Variants in GPRIN3 observed in about 807,000 individuals in gnomAD.
GPRIN3 encodes GPRIN family member 3.
In GPRIN3, 12 loss-of-function variants were observed where a neutral mutation model predicts 13.7. That is an observed-to-expected ratio of 0.87 (90% CI 0.56 to 1.42). The LOEUF is 1.42. GPRIN3 is among the 40% of genes most tolerant of loss of function. The pLI, the probability that GPRIN3 is intolerant of heterozygous loss-of-function variation, is 0.00. For missense variants in GPRIN3, 1,009 were observed against 958.7 expected, an observed-to-expected ratio of 1.05 and a Z score of -0.69; for synonymous variants, 377 against 372.7, an observed-to-expected ratio of 1.01 and a Z score of -0.13.
At chr4:89,256,617 C>A (rs1578079622) in intron 1 of GPRIN3, among the ~76,000 whole-genome samples, 1 of 152,228 alleles carries the variant, frequency 6.6e-6, no homozygotes. Flanking sequence ...CTGTGGGCAG[C>A]AATTACCTTA....
chr4:89,291,831 T>A (rs1415891341), intron 1 of GPRIN3, among the ~76,000 whole-genome samples: 2 of 13,344 alleles, frequency 1.5e-4, no homozygotes, highest in Non-Finnish European at 6.4e-4. Flanking sequence ...CTGTCAGGGC[T>A]TTTTTTTTTT....
At chr4:89,267,244 C>T (rs1426323155) in intron 1 of GPRIN3, among the ~76,000 whole-genome samples, 1 of 152,200 alleles carries the variant, frequency 6.6e-6, no homozygotes, top group African/African-American at 2.4e-5. Context: ...AGTTAACCAC[C>T]GCTAAGAATA....
chr4:89,256,474 A>T (rs1433119091), intron 1 of GPRIN3, among the ~76,000 whole-genome samples: 1 of 152,306 alleles, frequency 6.6e-6, no homozygotes, highest in Non-Finnish European at 1.5e-5. Context: ...GAGAGGCAGC[A>T]GGGAATCTCA....
chr4:89,256,676 A>G (rs1462957005), intron 1 of GPRIN3, among the ~76,000 whole-genome samples: 1 of 152,188 alleles, frequency 6.6e-6, no homozygotes, highest in African/African-American at 2.4e-5. Flanking sequence ...CCAGGATGTC[A>G]TCATGCCTCT....
intron 1 of GPRIN3, among the ~76,000 whole-genome samples, chr4:89,293,441 G>A (rs1413221271): frequency 6.6e-6 from 1 of 152,210 alleles, no homozygotes; most frequent in African/African-American, 2.4e-5. Context: ...AACAAGTGCA[G>A]CTCACTGACC....
intron 1 of GPRIN3, among the ~76,000 whole-genome samples, chr4:89,260,297 T>C (rs1723589164): frequency 6.6e-6 from 1 of 152,180 alleles, no homozygotes; most frequent in Non-Finnish European, 1.5e-5. Context: ...ACCTGCTCTG[T>C]GCTCCCCATT....
rs1334582178 is a variant in GPRIN3, at chr4:89,250,142, T to C, written c.-32A>G. ...TCTCTTCAGGAGCACTCCAGAGCTCTCTTGAGTACTGGTCCCACTGGTGGG... is the reference window on the plus strand; with the variant it reads ...TCTCTTCAGGAGCACTCCAGAGCTCCCTTGAGTACTGGTCCCACTGGTGGG... On this transcript the variant is annotated 5_prime_UTR_variant, in exon 2 of 2. Coordinates refer to ENST00000609438, the MANE Select transcript of GPRIN3 (RefSeq NM_198281.3). 1 of 1,582,218 alleles carries C rather than the reference T, an allele frequency of 6.3e-7. No homozygotes were observed. The highest frequency in any genetic ancestry group is 1.3e-5 in the African/African-American group (1 of 74,258).
intron 1 of GPRIN3, among the ~76,000 whole-genome samples, chr4:89,258,763 T>C (rs1164062150): frequency 2.0e-5 from 3 of 152,188 alleles, no homozygotes; most frequent in South Asian, 2.1e-4. Context: ...TTCCTTCAGC[T>C]TAAAATAGTC....
At position 89,238,892 on chromosome 4, in the gene GPRIN3, T is replaced by C. The variant is rs1055406412; in HGVS notation, c.*8888A>G. 6.6e-6 allele frequency: 1 copy of C among 152,146 alleles called. No homozygotes were observed. The highest frequency in any genetic ancestry group is 2.4e-5 in the African/African-American group (1 of 41,438). The allele number at this position is 152,146 out of a possible 1,614,324, so 9.4% of individuals were successfully genotyped here. On this transcript the variant is annotated 3_prime_UTR_variant, in exon 2 of 2. Coordinates refer to ENST00000609438, the MANE Select transcript of GPRIN3 (RefSeq NM_198281.3). ...ATTACATTTATTATGAAAAGTGAGA[T>C]GCAAAAAAATCATAATCTAAATTTT... is the stretch of plus-strand genomic sequence containing the variant.
intron 1 of GPRIN3, chr4:89,251,004 C>T (rs541997721): frequency 6.6e-6 from 1 of 152,006 alleles, no homozygotes; most frequent in South Asian, 2.1e-4. Flanking sequence ...AATTTTATGG[C>T]ATGACAAAAG....
At chr4:89,304,790 A>G (rs909721316) in intron 1 of GPRIN3, among the ~76,000 whole-genome samples, 11 of 152,166 alleles carry the variant, frequency 7.2e-5, no homozygotes. Flanking sequence ...TATTCTCATA[A>G]AAATAAGAAT....
chr4:89,265,254 A>G (rs559053880), intron 1 of GPRIN3, among the ~76,000 whole-genome samples: 2 of 152,196 alleles, frequency 1.3e-5, no homozygotes, highest in Non-Finnish European at 2.9e-5. Context: ...ATAAAGGGAT[A>G]TATATCAGTG....
chr4:89,257,792 G>A (rs1723509759), intron 1 of GPRIN3, among the ~76,000 whole-genome samples: 1 of 152,128 alleles, frequency 6.6e-6, no homozygotes, highest in South Asian at 2.1e-4. Context: ...AAGCATAGTG[G>A]TATAGGAACA....
chr4:89,261,019 CG>C (rs1324760179), intron 1 of GPRIN3, among the ~76,000 whole-genome samples: 19 of 152,214 alleles, frequency 1.2e-4, no homozygotes, highest in African/African-American at 4.6e-4. Context: ...ACACAACCCC[CG>C]CCCCCCAATG....
At chr4:89,289,387 G>C (rs1724510445) in intron 1 of GPRIN3, among the ~76,000 whole-genome samples, 1 of 151,882 alleles carries the variant, frequency 6.6e-6, no homozygotes, top group Admixed American at 6.6e-5. Context: ...GTCAAAACCT[G>C]AAGTCATTTT....
chr4:89,271,659 A>G (rs1433247883), intron 1 of GPRIN3, among the ~76,000 whole-genome samples: 1 of 152,026 alleles, frequency 6.6e-6, no homozygotes, highest in Non-Finnish European at 1.5e-5. Context: ...ATGGATGTGA[A>G]ATTCATGGAT....
intron 1 of GPRIN3, among the ~76,000 whole-genome samples, chr4:89,271,414 CA>C (rs145792841): frequency 0.011 from 1,614 of 152,190 alleles, 35 homozygotes; most frequent in African/African-American, 0.037. Context: ...CTTCAGACAC[CA>C]AAATCCACGG....
rs1180464513 is a variant in GPRIN3 at position 89,247,642 on chromosome 4, A to G, written c.*138T>C. On this transcript the variant is annotated 3_prime_UTR_variant, in exon 2 of 2. Transcript: ENST00000609438. ...GAGCTCCAGGTCAAAGGATCTAACA[A>G]TTTTTAATAGCAATTTCCTATAGTG... 3 of 792,838 alleles carry G rather than the reference A, an allele frequency of 3.8e-6. No homozygotes were observed. The highest frequency in any genetic ancestry group is 1.7e-5 in the African/African-American group (1 of 57,394). 49.1% of individuals were successfully genotyped at this position (792,838 alleles called of 1,614,324 possible). A position where few individuals can be genotyped will look rare whatever the true frequency, so the allele number is the denominator to read the frequency against.
intron 1 of GPRIN3, among the ~76,000 whole-genome samples, chr4:89,270,585 A>ATAATTTATATATATATATATAT (rs1723917558): frequency 2.3e-5 from 2 of 85,494 alleles, no homozygotes. Flanking sequence ...ATATATATAT[A>ATAATTTATATATATATATATAT]TATATATATA....
Sources: gnomAD v4.1 joint callset for allele counts (sites outside exome capture counted in the v4.1 genomes callset) on GRCh38, gnomAD v4.1.1 for gene constraint, MANE v1.5 for transcripts, NCBI Gene and HGNC (gene_info 2026-07-23, HGNC 2026-07-21) for gene names.